Variants in WDR49 observed in about 807,000 individuals in gnomAD.
The protein encoded by WDR49 is WD repeat domain 49, also known as cilia- and flagella-associated protein 337.
WDR49 carries 107 observed loss-of-function variants against 119.5 expected under a neutral mutation model. The ratio of observed to expected loss-of-function variants is 0.90; its 90% CI spans 0.77 to 1.05. WDR49 has a LOEUF of 1.05. Ranked by LOEUF, WDR49 falls within the 50% of genes least tolerant of loss-of-function variation. WDR49 has a pLI of 0.00. For synonymous variants in WDR49, 425 were observed against 418.8 expected (o/e 1.01, Z -0.18); for missense variants, 1,240 against 1,220.5 (o/e 1.02, Z -0.24).
chr3:167,503,843 G>A (rs1317934132), intron 17 of WDR49, among the ~76,000 whole-genome samples: 3 of 152,252 alleles, frequency 2.0e-5, no homozygotes, highest in Admixed American at 6.5e-5. Flanking sequence ...ACCCAAAGGT[G>A]GTTGCCGTTG....
At chr3:167,537,524 A>G (rs779292523) in intron 10 of WDR49, among the ~76,000 whole-genome samples, 14 of 152,182 alleles carry the variant, frequency 9.2e-5, no homozygotes, top group Non-Finnish European at 1.3e-4. Flanking sequence ...TTGAAGAACT[A>G]CAATTTGTGG....
upstream of WDR49, among the ~76,000 whole-genome samples, chr3:167,655,061 AG>A (rs1387628519): frequency 1.3e-5 from 2 of 152,194 alleles, no homozygotes; most frequent in African/African-American, 4.8e-5. Flanking sequence ...TATAAAGGAA[AG>A]AGGTTTAATT....
In WDR49 at chr3:167,500,404, A is replaced by G. The variant is rs1692368859; in HGVS notation, c.2885-105T>C. 5.8e-6 allele frequency: 8 copies of G among 1,372,528 alleles called. No homozygotes were observed. The South Asian group carries it at 8.0e-5, about 14-fold the overall frequency. 85.0% of individuals were successfully genotyped at this position (1,372,528 alleles called of 1,614,324 possible). On this transcript the variant is annotated intron_variant, in intron 17 of 18. Coordinates refer to ENST00000682715, the MANE Select transcript of WDR49 (RefSeq NM_001366157.1). ...TTTCCAAGTTAACTTTTATAAATTT[A>G]ACCTTCCTGTTACTCAGCTGGTACA...
At chr3:167,627,314 C>T in intron 2 of WDR49, 22 bp from the exon 3 acceptor site, 1 of 1,234,220 alleles carries the variant, frequency 8.1e-7, no homozygotes, top group Non-Finnish European at 1.0e-6. Flanking sequence ...AATCCAAAAA[C>T]AATAATGAGA....
chr3:167,551,633 G>T (rs1441212172), intron 10 of WDR49, among the ~76,000 whole-genome samples: 2 of 151,992 alleles, frequency 1.3e-5, no homozygotes, highest in African/African-American at 4.8e-5. Flanking sequence ...TCAAGCTTCG[G>T]TAGCCTCCCT....
intron 5 of WDR49, among the ~76,000 whole-genome samples, chr3:167,617,576 G>T (rs918118552): frequency 6.6e-5 from 10 of 152,012 alleles, no homozygotes; most frequent in African/African-American, 2.4e-4. Flanking sequence ...TTTAAAGAAA[G>T]ACTTGTCTTT....
intron 5 of WDR49, among the ~76,000 whole-genome samples, chr3:167,614,342 G>A (rs1055979502): frequency 2.6e-5 from 4 of 152,020 alleles, no homozygotes; most frequent in African/African-American, 4.8e-5. Flanking sequence ...CAGGTGATCC[G>A]CCCACCTCGG....
chr3:167,602,078 G>C, intron 7 of WDR49, 49 bp downstream of exon 7: 1 of 1,531,350 alleles, frequency 6.5e-7, no homozygotes, highest in African/African-American at 1.4e-5. Context: ...GATTTGGGTA[G>C]GAATCGGGGA....
chr3:167,512,341 C>G (rs939368407), intron 16 of WDR49, among the ~76,000 whole-genome samples: 1 of 152,080 alleles, frequency 6.6e-6, no homozygotes, highest in African/African-American at 2.4e-5. Context: ...CTAGAGTGGA[C>G]CCCCAGCAAA....
chr3:167,503,185 A>T (rs911335217), intron 17 of WDR49, among the ~76,000 whole-genome samples: 1 of 152,232 alleles, frequency 6.6e-6, no homozygotes, highest in Non-Finnish European at 1.5e-5. Context: ...CGTGGTGTTA[A>T]GCCTGCAGGT....
At chr3:167,591,009 T>G (rs1715078849) in intron 7 of WDR49, among the ~76,000 whole-genome samples, 1 of 152,064 alleles carries the variant, frequency 6.6e-6, no homozygotes, top group Non-Finnish European at 1.5e-5. Flanking sequence ...ACCATTAGGT[T>G]GTTTATTTGA....
chr3:167,652,065 T>C (rs1249464170), intron 2 of WDR49, among the ~76,000 whole-genome samples: 1 of 152,190 alleles, frequency 6.6e-6, no homozygotes, highest in Admixed American at 6.5e-5. Flanking sequence ...TCTATCAAAA[T>C]ATGCTAAATT....
At chr3:167,519,086 T>C (rs185950227) in intron 16 of WDR49, among the ~76,000 whole-genome samples, 143 of 152,184 alleles carry the variant, frequency 9.4e-4, no homozygotes, top group Admixed American at 2.9e-3. Flanking sequence ...TACCATCTCA[T>C]GCCAGTCACA....
At chr3:167,495,955 C>T (rs1348026994) in intron 18 of WDR49, among the ~76,000 whole-genome samples, 1 of 145,360 alleles carries the variant, frequency 6.9e-6, no homozygotes, top group Non-Finnish European at 1.5e-5. Flanking sequence ...ATGAAAAATC[C>T]TTTCAGAGTC....
intron 16 of WDR49, among the ~76,000 whole-genome samples, chr3:167,513,499 C>G (rs1752071000): frequency 6.6e-6 from 1 of 152,140 alleles, no homozygotes; most frequent in Admixed American, 6.5e-5. Context: ...TCAGTCAATA[C>G]AAAAACACCC....
intron 5 of WDR49, among the ~76,000 whole-genome samples, chr3:167,610,739 A>G (rs1023813665): frequency 8.5e-5 from 13 of 152,188 alleles, no homozygotes; most frequent in African/African-American, 2.9e-4. Flanking sequence ...AGCGAGACCC[A>G]GTGCTGTGCT....
intron 18 of WDR49, among the ~76,000 whole-genome samples, chr3:167,480,056 C>T (rs1577184999): frequency 6.6e-6 from 1 of 151,478 alleles, no homozygotes; most frequent in South Asian, 2.1e-4. Context: ...TTTAGTGAAA[C>T]CCCGTCTCTA....
chr3:167,482,314 G>A (rs141250517), intron 18 of WDR49, among the ~76,000 whole-genome samples: 132 of 152,194 alleles, frequency 8.7e-4, no homozygotes, highest in Middle Eastern at 3.4e-3. Context: ...TATAAATGGT[G>A]TCAATATGCA....
intron 5 of WDR49, among the ~76,000 whole-genome samples, chr3:167,619,120 G>T (rs1457875951): frequency 6.6e-6 from 1 of 152,056 alleles, no homozygotes. Context: ...TTATTTAAAG[G>T]TTATGGACTC....
Sources: gnomAD v4.1 joint callset for allele counts (sites outside exome capture counted in the v4.1 genomes callset) on GRCh38, gnomAD v4.1.1 for gene constraint, MANE v1.5 for transcripts, NCBI Gene and HGNC (gene_info 2026-07-23, HGNC 2026-07-21) for gene names.